The following PUS10 variants were observed in gnomAD, a reference collection of about 807,000 sequenced individuals.
PUS10 encodes the protein tRNA pseudouridine synthase Pus10.
A neutral mutation model predicts 75.0 loss-of-function variants in PUS10; 59 were observed. The ratio of observed to expected loss-of-function variants is 0.79; its 90% CI spans 0.64 to 0.98. The LOEUF (loss-of-function observed/expected upper bound fraction) is 0.98, where lower values mean the gene tolerates loss of function less well. Ranked by LOEUF, PUS10 falls within the 50% of genes least tolerant of loss-of-function variation. PUS10 has a pLI of 0.00. For synonymous variants in PUS10, 219 were observed against 211.6 expected (o/e 1.03, Z -0.30); for missense variants, 650 against 614.4 (o/e 1.06, Z -0.61).
At chr2:60,998,476 G>A (rs1242960749) in intron 4 of PUS10, among the ~76,000 whole-genome samples, 1 of 152,152 alleles carries the variant, frequency 6.6e-6, no homozygotes, top group Non-Finnish European at 1.5e-5. Context: ...CGCATCACCT[G>A]TCAGGAGTTC....
intron 4 of PUS10, among the ~76,000 whole-genome samples, chr2:60,996,328 G>A (rs1479641172): frequency 5.3e-5 from 8 of 152,140 alleles, no homozygotes; most frequent in Admixed American, 5.2e-4. Context: ...CTAATCACAT[G>A]TCACTCACTC....
In PUS10 at chr2:60,942,328, G is replaced by C; in HGVS notation, c.*67C>G. ...TATGGTGGGTAAACAGCCATTTTAC[G>C]GCATGTGCTCCATGGATGTCCACAT... On this transcript the variant is annotated 3_prime_UTR_variant, in exon 18 of 18. Coordinates refer to ENST00000316752, the MANE Select transcript of PUS10 (RefSeq NM_144709.4). The C allele has an allele frequency of 7.7e-7, 1 of 1,307,034 alleles. No homozygotes were observed. The highest frequency in any genetic ancestry group is 1.1e-6 in the Non-Finnish European group (1 of 900,430). The allele number at this position is 1,307,034 out of a possible 1,614,324, so 81.0% of individuals were successfully genotyped here.
chr2:60,970,882 A>G (rs1316105687), intron 5 of PUS10, among the ~76,000 whole-genome samples: 2 of 152,164 alleles, frequency 1.3e-5, no homozygotes, highest in East Asian at 1.9e-4. Context: ...TAAGACCAAT[A>G]TAAAATTTAT....
At chr2:60,959,965 G>T (rs1675913553) in intron 11 of PUS10, among the ~76,000 whole-genome samples, 2 of 151,890 alleles carry the variant, frequency 1.3e-5, no homozygotes, top group South Asian at 4.2e-4. Context: ...GATCACTTGA[G>T]CCCAGGAGTT....
intron 4 of PUS10, among the ~76,000 whole-genome samples, chr2:60,973,238 A>T (rs970438375): frequency 2.0e-5 from 3 of 152,320 alleles, no homozygotes; most frequent in East Asian, 1.9e-4. Flanking sequence ...GTTAATTTGC[A>T]CGGGGTTGGC....
chr2:61,018,226 G>A lies in PUS10; in HGVS notation c.-234C>T. 2 of 1,551,022 alleles carry A rather than the reference G, an allele frequency of 1.3e-6. No homozygotes were observed. Among genetic ancestry groups the A allele is most frequent in the Non-Finnish European group, 1.7e-6 (2 of 1,146,918 alleles). Reference sequence around the variant, plus strand: ...AGCAGTTGAGAGCGGCATTTGTCCAGCCACGGCATCGACAGGGAGCAAAGT... The same window carrying A: ...AGCAGTTGAGAGCGGCATTTGTCCAACCACGGCATCGACAGGGAGCAAAGT... On this transcript the variant is annotated 5_prime_UTR_variant, in exon 1 of 18. Transcript: ENST00000316752.
rs1034012026 is a variant in PUS10 at position 60,941,373 on chromosome 2, CA to C, written c.*1021del. On this transcript the variant is annotated 3_prime_UTR_variant, in exon 18 of 18. Transcript: ENST00000316752. ...TGGCATCCATAGCTGCCCCTTCACA[CA>C]AACAGGTGCTCAGTAATAGGGCTTA... 1 of 152,224 alleles carries C rather than the reference CA, an allele frequency of 6.6e-6. No homozygotes were observed. The highest frequency in any genetic ancestry group is 1.5e-5 in the Non-Finnish European group (1 of 67,994). 9.4% of individuals were successfully genotyped at this position (152,224 alleles called of 1,614,324 possible).
intron 2 of PUS10, chr2:61,009,966 G>C (rs1679491188): frequency 6.6e-6 from 1 of 152,064 alleles, no homozygotes; most frequent in African/African-American, 2.4e-5. Flanking sequence ...TGTTACCTAA[G>C]ATCTATAATA....
chr2:60,993,888 C>CA (rs1017520002), intron 4 of PUS10, among the ~76,000 whole-genome samples: 5 of 151,990 alleles, frequency 3.3e-5, no homozygotes, highest in Non-Finnish European at 7.4e-5. Context: ...CTCCCATGTT[C>CA]ACGCCATTCT....
rs902951408 is a variant in PUS10 at position 60,970,045 on chromosome 2, T to C, written c.503+1478A>G. 2.6e-5 allele frequency among the ~76,000 whole-genome samples: 4 copies of C among 151,914 alleles called. No homozygotes were observed. The East Asian group carries it at 5.8e-4, about 22-fold the overall frequency. On this transcript the variant is annotated intron_variant, in intron 5 of 17. Transcript: ENST00000316752. ...AGGCAGAGGTTGCAATTAGCCGAGA[T>C]TGCACCACTGCCTGGGCAACAGGGG...
At position 60,942,371 on chromosome 2, in the gene PUS10, A is replaced by G; in HGVS notation, c.*24T>C. On this transcript the variant is annotated 3_prime_UTR_variant, in exon 18 of 18. Transcript: ENST00000316752. ...GTCCACATCATGCCAGGAAAACCAT[A>G]CTCTTTGTCTCCAAATTTGAAAGCT... 2.5e-6 allele frequency: 4 copies of G among 1,607,986 alleles called. No homozygotes were observed. Among genetic ancestry groups the G allele is most frequent in the Non-Finnish European group, 3.4e-6 (4 of 1,174,480 alleles).
intron 4 of PUS10, among the ~76,000 whole-genome samples, chr2:60,978,270 A>T (rs1677160011): frequency 6.6e-6 from 1 of 151,800 alleles, no homozygotes; most frequent in Non-Finnish European, 1.5e-5. Flanking sequence ...AAAAATACAA[A>T]AATTAGCCGG....
chr2:61,001,473 T>C (rs1296270432), intron 4 of PUS10, among the ~76,000 whole-genome samples: 2 of 152,082 alleles, frequency 1.3e-5, no homozygotes, highest in African/African-American at 2.4e-5. Context: ...GACGGGATTT[T>C]ACTATGTTGG....
Position 60,942,307 on chromosome 2 carries a change from G to T in PUS10, c.*88C>A. 2 of 1,032,204 alleles carry T rather than the reference G, an allele frequency of 1.9e-6. No homozygotes were observed. The highest frequency in any genetic ancestry group is 1.3e-5 in the South Asian group (1 of 79,002). The allele number at this position is 1,032,204 out of a possible 1,614,324, so 63.9% of individuals were successfully genotyped here. Reference sequence around the variant, plus strand: ...AAATAGTTTTCAAGACACCGTTATGGTGGGTAAACAGCCATTTTACGGCAT... The same window carrying T: ...AAATAGTTTTCAAGACACCGTTATGTTGGGTAAACAGCCATTTTACGGCAT... On this transcript the variant is annotated 3_prime_UTR_variant, in exon 18 of 18. Transcript: ENST00000316752.
intron 4 of PUS10, among the ~76,000 whole-genome samples, chr2:60,989,120 G>A (rs936397480): frequency 6.6e-5 from 10 of 151,950 alleles, no homozygotes; most frequent in Non-Finnish European, 1.3e-4. Flanking sequence ...ATCCTAAATT[G>A]GCAGCAGAAG....
chr2:61,009,458 A>G lies in PUS10; in HGVS notation c.127-443T>C, dbSNP rs189971363. 3.9e-5 allele frequency among the ~76,000 whole-genome samples: 6 copies of G among 152,358 alleles called. No individual in the cohort carries two copies. In the East Asian group the frequency reaches 1.2e-3, roughly 29 times the overall value. ...ACAATCACTGAAAGCTCACAAGTAC[A>G]ATATTTATTTAATATGAAATCTGAT... On this transcript the variant is annotated intron_variant, in intron 2 of 17. Transcript: ENST00000316752.
At chr2:60,996,090 G>C (rs1558967349) in intron 4 of PUS10, among the ~76,000 whole-genome samples, 1 of 152,208 alleles carries the variant, frequency 6.6e-6, no homozygotes, top group Admixed American at 6.5e-5. Context: ...AATTAGGCTT[G>C]CTTCTAGTCC....
At chr2:60,988,802 A>ATT (rs574393734) in intron 4 of PUS10, among the ~76,000 whole-genome samples, 6 of 135,060 alleles carry the variant, frequency 4.4e-5, no homozygotes, top group Admixed American at 7.5e-5. Context: ...TACCGGGTTA[A>ATT]TTTTTTTTTT....
intron 5 of PUS10, among the ~76,000 whole-genome samples, chr2:60,969,825 G>A (rs1381392439): frequency 6.6e-6 from 1 of 152,204 alleles, no homozygotes; most frequent in Admixed American, 6.5e-5. Context: ...AGTGGCTCAT[G>A]CCTGTAATCC....
Sources: gnomAD v4.1 joint callset for allele counts (sites outside exome capture counted in the v4.1 genomes callset) on GRCh38, gnomAD v4.1.1 for gene constraint, MANE v1.5 for transcripts, NCBI Gene and HGNC (gene_info 2026-07-23, HGNC 2026-07-21) for gene names.